ADCY5: variants seen among roughly 807,000 people sequenced by gnomAD.
ADCY5 encodes the protein adenylate cyclase type 5.
A neutral mutation model predicts 119.7 loss-of-function variants in ADCY5; 30 were observed. The observed-to-expected ratio is 0.25, with a 90% CI of 0.19 to 0.34. The LOEUF (loss-of-function observed/expected upper bound fraction) is 0.34. Ranked by LOEUF, ADCY5 falls within the 10% of genes least tolerant of loss-of-function variation. The pLI, the probability that ADCY5 is intolerant of heterozygous loss-of-function variation, is 1.00. For missense variants in ADCY5, 1,324 were observed against 1,775.2 expected (o/e 0.75, Z 4.57); for synonymous variants, 753 against 762.2 (o/e 0.99, Z 0.20).
chr3:123,427,589 C>T (rs1240676597), intron 1 of ADCY5, among the ~76,000 whole-genome samples: 1 of 152,118 alleles, frequency 6.6e-6, no homozygotes, highest in Non-Finnish European at 1.5e-5. Context: ...CTCCTAGGAC[C>T]CTCCACTGGA....
intron 15 of ADCY5, among the ~76,000 whole-genome samples, chr3:123,298,186 C>T (rs10934643): frequency 0.15 from 23,193 of 151,846 alleles, 2,650 homozygotes; most frequent in East Asian, 0.68. Context: ...TTTTAATAGA[C>T]GTGGGATTTT....
chr3:123,361,436 C>A (rs748332873), intron 1 of ADCY5, among the ~76,000 whole-genome samples: 1 of 152,220 alleles, frequency 6.6e-6, no homozygotes, highest in Admixed American at 6.5e-5. Context: ...AGGACATTTT[C>A]AACATCCCCA....
chr3:123,345,769 G>GACAGACACACAGACACACACACACACAC (rs57198270), intron 3 of ADCY5, among the ~76,000 whole-genome samples: 9 of 113,834 alleles, frequency 7.9e-5, no homozygotes, highest in South Asian at 6.8e-4. Flanking sequence ...CAGACAGACA[G>GACAGACACACAGACACACACACACACAC]ACACACACAC....
In ADCY5 at chr3:123,360,647, A is replaced by C. The variant is rs1344516129; in HGVS notation, c.1135-8066T>G. 3.9e-5 allele frequency among the ~76,000 whole-genome samples: 6 copies of C among 152,192 alleles called. No individual in the cohort carries two copies. The East Asian group carries it at 1.2e-3, about 29-fold the overall frequency. On this transcript the variant is annotated intron_variant, in intron 1 of 20. Coordinates refer to ENST00000462833, the MANE Select transcript of ADCY5 (RefSeq NM_183357.3). ...TGTGTCTGAAAAAAACCAACCTATA[A>C]TACGATTCTAAAGTGTAATGTTTAT...
At chr3:123,310,719 G>A (rs574710400) in intron 12 of ADCY5, among the ~76,000 whole-genome samples, 12 of 152,322 alleles carry the variant, frequency 7.9e-5, no homozygotes, top group African/African-American at 2.9e-4. Context: ...AGCATCTCCA[G>A]AAGAAAGCAC....
intron 1 of ADCY5, among the ~76,000 whole-genome samples, chr3:123,444,938 G>A (rs1945787071): frequency 6.6e-6 from 1 of 152,198 alleles, no homozygotes. Flanking sequence ...GTAACCTGAG[G>A]CAGAGGTTAA....
chr3:123,323,895 T>C (rs1260116610), intron 8 of ADCY5, among the ~76,000 whole-genome samples: 1 of 152,088 alleles, frequency 6.6e-6, no homozygotes, highest in Non-Finnish European at 1.5e-5. Context: ...AACTCTTGAC[T>C]GCCCTGATCA....
Position 123,345,761 on chromosome 3 carries a change from G to GACACACACACACAC in ADCY5, c.1406+2020_1406+2021insGTGTGTGTGTGTGT, listed in dbSNP as rs1491583420. ...AGACAGACAGACAGACAGACAGACA[G>GACACACACACACAC]ACAGACAGACACACACACACACACA... On this transcript the variant is annotated intron_variant, in intron 3 of 20. Coordinates refer to ENST00000462833, the MANE Select transcript of ADCY5 (RefSeq NM_183357.3). Among the ~76,000 whole-genome samples the GACACACACACACAC allele has an allele frequency of 8.2e-3, 296 of 35,982 alleles. 3 individuals carry two copies. The highest frequency in any genetic ancestry group is 0.029 in the African/African-American group (280 of 9,576). 23.6% of individuals were successfully genotyped at this position (35,982 alleles called of 152,430 possible).
At chr3:123,357,099 C>A (rs1461877761) in intron 1 of ADCY5, among the ~76,000 whole-genome samples, 2 of 152,102 alleles carry the variant, frequency 1.3e-5, no homozygotes, top group Non-Finnish European at 2.9e-5. Context: ...AACAAAGGGG[C>A]AGCACAAGGA....
In ADCY5 at chr3:123,289,927, G is replaced by A. The variant is rs771361017; in HGVS notation, c.3355C>T (p.Leu1119=). 3 of 1,614,206 alleles carry A rather than the reference G, an allele frequency of 1.9e-6. No homozygotes were observed. The East Asian group carries it at 6.7e-5, about 36-fold the overall frequency. Residue 1119 remains leucine (L), a synonymous_variant, in exon 19 of 21, where the codon CTG becomes TTG. Coordinates refer to ENST00000462833, the MANE Select transcript of ADCY5 (RefSeq NM_183357.3). ...EIISEDRFRQ[L]EKIKTIGSTY... is the part of the protein sequence containing the mutation. ...CTGCCGATGGTCTTGATCTTCTCCA[G>A]CTGCCGGAACCGATCCTCGCTGATG...
intron 2 of ADCY5, among the ~76,000 whole-genome samples, chr3:123,349,084 C>T (rs770133914): frequency 2.3e-4 from 35 of 152,216 alleles, no homozygotes; most frequent in Non-Finnish European, 4.7e-4. Flanking sequence ...CCATTTCCCA[C>T]ATCCCTACCT....
chr3:123,360,354 T>A (rs1238251940), intron 1 of ADCY5, among the ~76,000 whole-genome samples: 1 of 152,094 alleles, frequency 6.6e-6, no homozygotes, highest in Non-Finnish European at 1.5e-5. Context: ...ATCTAGCTGC[T>A]CTGGGATTGT....
At chr3:123,284,929 A>G (rs1938634985) in intron 20 of ADCY5, among the ~76,000 whole-genome samples, 193 bp from the exon 21 acceptor site, 2 of 152,196 alleles carry the variant, frequency 1.3e-5, no homozygotes, top group Non-Finnish European at 2.9e-5. Context: ...CTAAGAAAAG[A>G]GCAACGCCAG....
At chr3:123,305,090 T>G (rs575112798) in intron 12 of ADCY5, among the ~76,000 whole-genome samples, 60 of 152,000 alleles carry the variant, frequency 3.9e-4, no homozygotes, top group Non-Finnish European at 6.3e-4. Flanking sequence ...GAGCCAGGAG[T>G]TGGGAAGCCT....
At chr3:123,314,198 A>G (rs749617796) in intron 12 of ADCY5, 37 bp downstream of exon 12, 65 of 1,543,398 alleles carry the variant, frequency 4.2e-5, no homozygotes, top group Non-Finnish European at 5.4e-5. Flanking sequence ...AGAAGCGGGA[A>G]GAAGGTGGCT....
chr3:123,289,782 T>C lies in ADCY5; in HGVS notation c.3500A>G (p.Glu1167Gly). Residue 1167 changes from glutamate to glycine, a missense_variant, in exon 19 of 21, where the codon GAG becomes GGG. Physicochemically the swap from Glu to Gly is moderately conservative, Grantham distance 98. Transcript: ENST00000462833. ...CATCTGGAAGTTGTTGAAGGAGTGCTCATTGATGTACTTCATCTGGTCCAT... is the reference window on the plus strand; with the variant it reads ...CATCTGGAAGTTGTTGAAGGAGTGCCCATTGATGTACTTCATCTGGTCCAT... ...KLMDQMKYIN[E>G]HSFNNFQMKI... 1 of 1,614,144 alleles carries C rather than the reference T, an allele frequency of 6.2e-7. No homozygotes were observed. The highest frequency in any genetic ancestry group is 8.5e-7 in the Non-Finnish European group (1 of 1,180,038).
intron 1 of ADCY5, among the ~76,000 whole-genome samples, chr3:123,391,908 T>C (rs1457056708): frequency 1.3e-5 from 2 of 152,162 alleles, no homozygotes; most frequent in East Asian, 1.9e-4. Context: ...TCCCAGCTTG[T>C]CTGTCCAGCA....
At chr3:123,431,086 G>A (rs900459593) in intron 1 of ADCY5, among the ~76,000 whole-genome samples, 8 of 152,204 alleles carry the variant, frequency 5.3e-5, no homozygotes, top group Non-Finnish European at 1.2e-4. Context: ...ATGAGCTACA[G>A]AGGTGAAGAA....
At chr3:123,425,609 G>C (rs569810792) in intron 1 of ADCY5, among the ~76,000 whole-genome samples, 2 of 152,290 alleles carry the variant, frequency 1.3e-5, no homozygotes, top group South Asian at 2.1e-4. Flanking sequence ...AGATCCTCTA[G>C]AGCAGTCCCC....
Sources: gnomAD v4.1 joint callset for allele counts (sites outside exome capture counted in the v4.1 genomes callset) on GRCh38, gnomAD v4.1.1 for gene constraint, MANE v1.5 for transcripts, NCBI Gene and HGNC (gene_info 2026-07-23, HGNC 2026-07-21) for gene names.